LRRC17: variants seen among roughly 807,000 people sequenced by gnomAD.
LRRC17 encodes leucine-rich repeat-containing protein 17.
LRRC17 carries 33 observed loss-of-function variants against 41.5 expected under a neutral mutation model. The ratio of observed to expected loss-of-function variants is 0.80; its 90% CI spans 0.60 to 1.06. LRRC17 has a LOEUF of 1.06. LRRC17 is among the 50% of genes least tolerant of loss of function. The pLI is 0.00. For missense variants in LRRC17, 491 were observed against 519.3 expected, an observed-to-expected ratio of 0.95 and a Z score of 0.53; for synonymous variants, 192 against 197.0, an observed-to-expected ratio of 0.97 and a Z score of 0.21.
rs1203401182 is a variant in LRRC17, at chr7:102,939,463, A to C, written c.806A>C (p.Asp269Ala). ...AAAGTGCCAAACAACATCCCTCCAG[A>C]TATTGTTAAACTTGACTTGTCATAC... ...LKKVPNNIPP[D>A]IVKLDLSYNK... The change falls in exon 3 of 4, where the codon GAT becomes GCT. Residue 269 changes from aspartate to alanine, a missense_variant. Asp to Ala is a moderately radical substitution (Grantham distance 126, BLOSUM62 -2). Coordinates refer to ENST00000339431, the MANE Select transcript of LRRC17 (RefSeq NM_001031692.3). 2 of 1,613,514 alleles carry C rather than the reference A, an allele frequency of 1.2e-6. No homozygotes were observed. Among genetic ancestry groups the C allele is most frequent in the Admixed American group, 1.7e-5 (1 of 59,768 alleles).
chr7:102,916,213 T>G (rs1436784535), intron 1 of LRRC17, among the ~76,000 whole-genome samples: 1 of 152,040 alleles, frequency 6.6e-6, no homozygotes, highest in Non-Finnish European at 1.5e-5. Flanking sequence ...TCTCAAACTC[T>G]TGACCTCAGG....
Position 102,932,012 on chromosome 7 carries a change from C to T in LRRC17, c.-140-1762C>T, listed in dbSNP as rs1310940816. On this transcript the variant is annotated intron_variant, in intron 1 of 3. Transcript: ENST00000339431. ...AAGTTTTTCTATCTTACATTGAATG[C>T]AATGTATTCATTAGAAAACAAACAA... The T allele has an allele frequency of 3.9e-6, 5 of 1,291,196 alleles. 1 individual carries two copies. The Middle Eastern group carries it at 7.5e-4, about 193-fold the overall frequency. The allele number at this position is 1,291,196 out of a possible 1,614,324, so 80.0% of individuals were successfully genotyped here. A position where few individuals can be genotyped will look rare whatever the true frequency, so the allele number is the denominator to read the frequency against.
At chr7:102,926,227 T>C (rs1460933732) in intron 1 of LRRC17, 1 of 1,534,636 alleles carries the variant, frequency 6.5e-7, no homozygotes, top group East Asian at 2.3e-5. Flanking sequence ...CCAGAGACTT[T>C]GGGAGCATAA....
At chr7:102,926,819 T>C (rs1818231089) in intron 1 of LRRC17, among the ~76,000 whole-genome samples, 1 of 152,250 alleles carries the variant, frequency 6.6e-6, no homozygotes, top group Non-Finnish European at 1.5e-5. Flanking sequence ...TCCATATTTA[T>C]ACACATATAC....
At chr7:102,930,760 T>C (rs1819016979) in intron 1 of LRRC17, among the ~76,000 whole-genome samples, 1 of 152,146 alleles carries the variant, frequency 6.6e-6, no homozygotes, top group African/African-American at 2.4e-5. Context: ...TTCTCAAACC[T>C]TCTAAGTTGA....
At chr7:102,920,593 C>T (rs1486845972) in intron 1 of LRRC17, among the ~76,000 whole-genome samples, 4 of 152,138 alleles carry the variant, frequency 2.6e-5, no homozygotes, top group African/African-American at 7.2e-5. Flanking sequence ...TCAAGTAGTC[C>T]GCCCACTTCA....
chr7:102,935,893 G>A (rs1820210729), intron 2 of LRRC17, among the ~76,000 whole-genome samples: 1 of 152,184 alleles, frequency 6.6e-6, no homozygotes, highest in South Asian at 2.1e-4. Flanking sequence ...AGAGAAAGGG[G>A]AAGTTCAGAG....
intron 1 of LRRC17, among the ~76,000 whole-genome samples, chr7:102,930,174 T>C (rs1329296343): frequency 6.6e-6 from 1 of 152,116 alleles, no homozygotes; most frequent in Non-Finnish European, 1.5e-5. Context: ...AAGATGAGGC[T>C]GTAAAAATGA....
chr7:102,942,559 T>A lies in LRRC17; in HGVS notation c.929-1651T>A, dbSNP rs1821663875. 2.0e-5 allele frequency among the ~76,000 whole-genome samples: 3 copies of A among 152,208 alleles called. No individual in the cohort carries two copies. In the South Asian group the frequency reaches 6.2e-4, roughly 31 times the overall value. On this transcript the variant is annotated intron_variant, in intron 3 of 3. Coordinates refer to ENST00000339431, the MANE Select transcript of LRRC17 (RefSeq NM_001031692.3). ...ACACTTTCAAAATAAAATCTAGGAA[T>A]GTTTACATATGCTTTTAATCTCAAA...
chr7:102,942,962 G>A (rs969938588), intron 3 of LRRC17, among the ~76,000 whole-genome samples: 16 of 152,138 alleles, frequency 1.1e-4, no homozygotes, highest in African/African-American at 3.9e-4. Context: ...CCCAGGTGTA[G>A]ATTTCTTTGC....
chr7:102,934,773 T>C, intron 2 of LRRC17, 88 bp downstream of exon 2: 1 of 1,180,584 alleles, frequency 8.5e-7, no homozygotes, highest in Non-Finnish European at 1.2e-6. Flanking sequence ...CACCATGTCT[T>C]GGAATTCGTG....
intron 1 of LRRC17, among the ~76,000 whole-genome samples, chr7:102,925,268 TCCTGTAGTC>T (rs1360563401): frequency 3.3e-5 from 5 of 151,972 alleles, no homozygotes; most frequent in African/African-American, 1.2e-4. Context: ...GGTGGCATGC[TCCTGTAGTC>T]CCAGCTACTC....
At chr7:102,935,265 TTTTTG>T in intron 2 of LRRC17, among the ~76,000 whole-genome samples, 1 of 88,938 alleles carries the variant, frequency 1.1e-5, no homozygotes, top group African/African-American at 3.1e-5. Flanking sequence ...TTTTTTTTTT[TTTTTG>T]AGATGGACTC....
chr7:102,920,594 G>A (rs754833651), intron 1 of LRRC17, among the ~76,000 whole-genome samples: 37 of 151,984 alleles, frequency 2.4e-4, no homozygotes, highest in Non-Finnish European at 3.8e-4. Context: ...CAAGTAGTCC[G>A]CCCACTTCAG....
intron 1 of LRRC17, 131 bp downstream of exon 1, chr7:102,913,276 T>G: frequency 6.2e-7 from 1 of 1,602,046 alleles, no homozygotes; most frequent in Non-Finnish European, 8.5e-7. Flanking sequence ...CAAATCTTTC[T>G]TAAGCCACTA....
chr7:102,936,523 T>C (rs1820345040), intron 2 of LRRC17, among the ~76,000 whole-genome samples: 1 of 152,224 alleles, frequency 6.6e-6, no homozygotes, highest in African/African-American at 2.4e-5. Context: ...TTCCCGGATA[T>C]TGTTATGGTG....
intron 1 of LRRC17, among the ~76,000 whole-genome samples, chr7:102,924,635 GCTTTT>G (rs1303983872): frequency 7.2e-6 from 1 of 138,978 alleles, no homozygotes; most frequent in Non-Finnish European, 1.6e-5. Context: ...TTCTGTGTAA[GCTTTT>G]CTTTTTTTTT....
At chr7:102,919,450 T>G (rs1168720722) in intron 1 of LRRC17, among the ~76,000 whole-genome samples, 3 of 152,140 alleles carry the variant, frequency 2.0e-5, no homozygotes, top group African/African-American at 7.2e-5. Flanking sequence ...CTTCCCTAGC[T>G]GAGAAAAAAT....
At chr7:102,916,978 A>T (rs1219123711) in intron 1 of LRRC17, among the ~76,000 whole-genome samples, 1 of 152,112 alleles carries the variant, frequency 6.6e-6, no homozygotes, top group East Asian at 1.9e-4. Flanking sequence ...AGGACTTACT[A>T]CTAAGATGAA....
Sources: allele counts gnomAD v4.1 joint callset (sites outside exome capture counted in the v4.1 genomes callset), GRCh38; gene constraint gnomAD v4.1.1; transcripts MANE v1.5; gene names NCBI Gene and HGNC (gene_info 2026-07-23, HGNC 2026-07-21).